The following ANKRD30B variants were observed in gnomAD, a reference collection of about 807,000 sequenced individuals.
The protein encoded by ANKRD30B is ankyrin repeat domain-containing protein 30B.
In ANKRD30B, 144 loss-of-function variants were observed where a neutral mutation model predicts 202.2. That is an observed-to-expected ratio of 0.71 (90% confidence interval 0.62 to 0.82). The LOEUF (loss-of-function observed/expected upper bound fraction) is 0.82. Among genes scored for constraint, ANKRD30B ranks in the 40% least tolerant of loss-of-function variants. The probability of loss-of-function intolerance (pLI) is 0.00; values close to 1 mark genes in which losing one functional copy is unlikely to be tolerated. For synonymous variants in ANKRD30B, 508 were observed against 561.3 expected (o/e 0.91, Z 1.34); for missense variants, 1,487 against 1,669.1 (o/e 0.89, Z 1.90).
At chr18:14,820,677 A>G (rs1231796056) in intron 30 of ANKRD30B, among the ~76,000 whole-genome samples, 2 of 152,176 alleles carry the variant, frequency 1.3e-5, no homozygotes, top group South Asian at 2.1e-4. Context: ...ATTGATTTGC[A>G]TATATTGAAC....
At chr18:14,754,106 A>G (rs1913940986) in intron 3 of ANKRD30B, among the ~76,000 whole-genome samples, 1 of 152,182 alleles carries the variant, frequency 6.6e-6, no homozygotes, top group South Asian at 2.1e-4. Context: ...CTCATGGACC[A>G]TTTAATAATA....
intron 33 of ANKRD30B, among the ~76,000 whole-genome samples, chr18:14,829,234 T>C (rs1970798605): frequency 6.6e-6 from 1 of 152,206 alleles, no homozygotes; most frequent in Admixed American, 6.5e-5. Flanking sequence ...TCAAAATACT[T>C]TCATATTTTA....
chr18:14,887,530 G>A, the ANKRD30B span, among the ~76,000 whole-genome samples: 1 of 151,804 alleles, frequency 6.6e-6, no homozygotes, highest in African/African-American at 2.4e-5. Flanking sequence ...TTACATATTT[G>A]TATTGTTCTG....
intron 39 of ANKRD30B, among the ~76,000 whole-genome samples, chr18:14,848,140 G>C (rs1447132218): frequency 6.6e-6 from 1 of 152,066 alleles, no homozygotes; most frequent in Admixed American, 6.6e-5. Flanking sequence ...ACATTCATAA[G>C]GTTTGCTTTC....
At chr18:14,916,817 A>G in the ANKRD30B span, among the ~76,000 whole-genome samples, 1 of 152,146 alleles carries the variant, frequency 6.6e-6, no homozygotes, top group Admixed American at 6.5e-5. Flanking sequence ...CCTGGCTCCT[A>G]TTTCCTTAAT....
intron 24 of ANKRD30B, among the ~76,000 whole-genome samples, chr18:14,808,111 G>T (rs1189259802): frequency 1.3e-5 from 2 of 150,690 alleles, no homozygotes; most frequent in Non-Finnish European, 3.0e-5. Context: ...ATAGCTACTT[G>T]CAGTATATTG....
chr18:14,902,238 G>A, the ANKRD30B span, among the ~76,000 whole-genome samples: 1 of 152,060 alleles, frequency 6.6e-6, no homozygotes, highest in African/African-American at 2.4e-5. Context: ...AGATTTAGGT[G>A]GGGACACAAA....
At chr18:14,914,736 T>C in the ANKRD30B span, among the ~76,000 whole-genome samples, 1 of 152,172 alleles carries the variant, frequency 6.6e-6, no homozygotes, top group Non-Finnish European at 1.5e-5. Flanking sequence ...TAGGAAACAG[T>C]ACAGAAAGTG....
chr18:14,809,393 T>A (rs1682019753), intron 26 of ANKRD30B, among the ~76,000 whole-genome samples: 1 of 150,702 alleles, frequency 6.6e-6, no homozygotes, highest in Non-Finnish European at 1.5e-5. Context: ...TTAGAAACAA[T>A]CCATAGAAAC....
At chr18:14,839,202 T>A (rs2487173) in intron 36 of ANKRD30B, among the ~76,000 whole-genome samples, 8 of 152,222 alleles carry the variant, frequency 5.3e-5, no homozygotes, top group Non-Finnish European at 1.0e-4. Flanking sequence ...AAAACACTTA[T>A]AAATTACTGT....
At chr18:14,937,544 G>GACTGCAAGCT in the ANKRD30B span, among the ~76,000 whole-genome samples, 1 of 152,282 alleles carries the variant, frequency 6.6e-6, no homozygotes, top group Admixed American at 6.5e-5. Context: ...GCCTCTGATG[G>GACTGCAAGCT]GTCGCAGGCC....
At chr18:14,795,040 A>G (rs377540779) in intron 16 of ANKRD30B, among the ~76,000 whole-genome samples, 2 of 152,234 alleles carry the variant, frequency 1.3e-5, no homozygotes, top group African/African-American at 4.8e-5. Flanking sequence ...TATAACAAAT[A>G]GAATTAGTTT....
chr18:14,785,099 T>C (rs1968001279), intron 14 of ANKRD30B, among the ~76,000 whole-genome samples: 1 of 152,182 alleles, frequency 6.6e-6, no homozygotes, highest in Admixed American at 6.5e-5. Context: ...AGGAAAGTAA[T>C]TAGTCATTTA....
At chr18:14,914,614 T>G in the ANKRD30B span, among the ~76,000 whole-genome samples, 15 of 152,166 alleles carry the variant, frequency 9.9e-5, no homozygotes, top group Non-Finnish European at 1.5e-4. Flanking sequence ...TAAGGATTGT[T>G]TAATAAGAAC....
rs1483335035 is a variant in ANKRD30B, at chr18:14,852,293, T to C, written c.4349T>C (p.Ile1450Thr). Residue 1450 changes from isoleucine (I) to threonine (T), a missense_variant, in exon 42 of 44, where the codon ATT becomes ACT. Ile to Thr is a moderately conservative substitution (Grantham distance 89, BLOSUM62 -1). Around this residue, in one of 6 missense-constraint regions of ANKRD30B, gnomAD observed 182 missense variants for 216.0 expected, o/e 0.84. Coordinates refer to ENST00000690538, the MANE Select transcript of ANKRD30B (RefSeq NM_001367607.2). Reference sequence around the variant, plus strand: ...AAAGTTAACAAAAGCAAGGTAACAATTAATATTCAGTTTCCTGAGATGAAA... The same window carrying C: ...AAAGTTAACAAAAGCAAGGTAACAACTAATATTCAGTTTCCTGAGATGAAA... ...HKKVNKSKVTINIQFPEMKMQ... is the reference protein window; with the variant it reads ...HKKVNKSKVTTNIQFPEMKMQ... 3 of 1,544,336 alleles carry C rather than the reference T, an allele frequency of 1.9e-6. No individual in the cohort carries two copies. In the African/African-American group the frequency reaches 4.1e-5, roughly 21 times the overall value.
At position 14,805,042 on chromosome 18, in the gene ANKRD30B, T is replaced by C. The variant is rs1326819972; in HGVS notation, c.2284+1218T>C. Among the ~76,000 whole-genome samples the C allele has an allele frequency of 1.3e-5, 2 of 150,530 alleles. 1 individual carries two copies. The highest frequency in any genetic ancestry group is 4.9e-5 in the African/African-American group (2 of 40,552). The stretch of plus-strand genomic sequence containing the variant: ...CTAAACCTCAGTGACTCATTAATTT[T>C]CTTTATTACTATGAGGCATCAAATA... On this transcript the variant is annotated intron_variant, in intron 24 of 43. Coordinates refer to ENST00000690538, the MANE Select transcript of ANKRD30B (RefSeq NM_001367607.2).
At chr18:14,924,368 G>A in the ANKRD30B span, among the ~76,000 whole-genome samples, 1 of 152,228 alleles carries the variant, frequency 6.6e-6, no homozygotes, top group Non-Finnish European at 1.5e-5. Context: ...GTAGCTATAT[G>A]TAGATGGTGA....
chr18:14,866,151 G>T, the ANKRD30B span, among the ~76,000 whole-genome samples: 1 of 152,262 alleles, frequency 6.6e-6, no homozygotes, highest in East Asian at 1.9e-4. Context: ...GTAACCCCAC[G>T]TGCATGCTGA....
the ANKRD30B span, among the ~76,000 whole-genome samples, chr18:14,860,352 T>A: frequency 4.2e-4 from 17 of 40,704 alleles, no homozygotes; most frequent in Non-Finnish European, 6.6e-4. Context: ...CAGACAGGGC[T>A]GCCGGGCAGA....
Sources: gnomAD v4.1 joint callset for allele counts (sites outside exome capture counted in the v4.1 genomes callset) on GRCh38, gnomAD v4.1.1 for gene constraint, gnomAD v4.1.1 regional missense constraint, MANE v1.5 for transcripts, NCBI Gene and HGNC (gene_info 2026-07-23, HGNC 2026-07-21) for gene names.